The following ARSG variants were observed in gnomAD, a reference collection of about 807,000 sequenced individuals.
ARSG encodes arylsulfatase G, also known as ASG.
A neutral mutation model predicts 50.5 loss-of-function variants in ARSG; 37 were observed. The observed-to-expected ratio is 0.73, with a 90% CI of 0.56 to 0.96. ARSG has a LOEUF of 0.96. ARSG is among the 50% of genes least tolerant of loss of function. ARSG has a pLI of 0.00. For missense variants in ARSG, 629 were observed against 675.3 expected, an observed-to-expected ratio of 0.93 and a Z score of 0.76; for synonymous variants, 225 against 254.6, an observed-to-expected ratio of 0.88 and a Z score of 1.11.
upstream of ARSG, among the ~76,000 whole-genome samples, chr17:68,286,823 C>T (rs537673371): frequency 1.6e-3 from 247 of 152,128 alleles, no homozygotes; most frequent in Non-Finnish European, 3.0e-3. Context: ...GTACTGAATT[C>T]TATTAATCAA....
At chr17:68,330,977 GC>G (rs1444163041) in intron 2 of ARSG, among the ~76,000 whole-genome samples, 32 of 19,846 alleles carry the variant, frequency 1.6e-3, no homozygotes, top group Non-Finnish European at 1.9e-3. Context: ...CTTTTTTTTT[GC>G]GGGGGGGGGG....
At chr17:68,338,598 A>T (rs2078132581) in intron 2 of ARSG, among the ~76,000 whole-genome samples, 1 of 152,154 alleles carries the variant, frequency 6.6e-6, no homozygotes, top group Admixed American at 6.5e-5. Flanking sequence ...ATTTGCCTGG[A>T]TACAAATTGT....
Position 68,416,388 on chromosome 17 carries a change from T to A in ARSG, c.1304-3801T>A, listed in dbSNP as rs538377206. On this transcript the variant is annotated intron_variant, in intron 11 of 11. Transcript: ENST00000621439. ...GTAGGGTATCTGCTGTTAATCCTGATAGGTTTTCCTTTATAGGATACCTGG... is the reference window on the plus strand; with the variant it reads ...GTAGGGTATCTGCTGTTAATCCTGAAAGGTTTTCCTTTATAGGATACCTGG... 7.2e-5 allele frequency among the ~76,000 whole-genome samples: 11 copies of A among 152,348 alleles called. No homozygotes were observed. The South Asian group carries it at 2.1e-3, about 29-fold the overall frequency.
chr17:68,448,244 C>G, the ARSG span: 1 of 152,146 alleles, frequency 6.6e-6, no homozygotes, highest in Non-Finnish European at 1.5e-5. Flanking sequence ...TTGCTTAAAC[C>G]AAAATTTAAG....
upstream of ARSG, among the ~76,000 whole-genome samples, chr17:68,290,822 A>G (rs2145223687): frequency 6.6e-6 from 1 of 152,280 alleles, no homozygotes; most frequent in East Asian, 1.9e-4. Context: ...GCCTTTAGGT[A>G]TCTTCCGGGA....
chr17:68,312,452 C>G (rs1555767107), intron 2 of ARSG, among the ~76,000 whole-genome samples: 1 of 152,042 alleles, frequency 6.6e-6, no homozygotes, highest in African/African-American at 2.4e-5. Context: ...CAGTGTTTAG[C>G]AGGTTAGCGG....
chr17:68,283,378 A>G (rs1004543609), intron 1 of ARSG, among the ~76,000 whole-genome samples: 13 of 151,720 alleles, frequency 8.6e-5, no homozygotes, highest in South Asian at 8.3e-4. Context: ...AAAATTAGCC[A>G]GGCGTGGTGG....
intron 2 of ARSG, among the ~76,000 whole-genome samples, chr17:68,335,446 C>G (rs1302359413): frequency 6.6e-6 from 1 of 150,382 alleles, no homozygotes; most frequent in African/African-American, 2.5e-5. Context: ...CCCAGCTACT[C>G]GGGAGGCTGA....
chr17:68,325,582 G>A (rs2077472683), intron 2 of ARSG, among the ~76,000 whole-genome samples: 1 of 152,096 alleles, frequency 6.6e-6, no homozygotes, highest in Non-Finnish European at 1.5e-5. Context: ...ATAATAGCCA[G>A]GACTCTCTGG....
chr17:68,287,203 C>T (rs1348309020), upstream of ARSG, among the ~76,000 whole-genome samples: 1 of 152,222 alleles, frequency 6.6e-6, no homozygotes, highest in Admixed American at 6.5e-5. Flanking sequence ...TGGTCTTGAA[C>T]TCCTAACCTC....
intron 10 of ARSG, among the ~76,000 whole-genome samples, chr17:68,397,524 C>T (rs534388344): frequency 3.3e-5 from 5 of 152,206 alleles, no homozygotes; most frequent in Admixed American, 2.0e-4. Context: ...CTAGTCAGTC[C>T]TCTCTATCAA....
At chr17:68,282,779 T>TAAAAAAAAAAAAAA (rs36155626) in intron 1 of ARSG, among the ~76,000 whole-genome samples, 4 of 53,402 alleles carry the variant, frequency 7.5e-5, no homozygotes, top group Non-Finnish European at 9.9e-5. Flanking sequence ...CCATCTCTAC[T>TAAAAAAAAAAAAAA]AAAAAAAAAA....
chr17:68,435,781 C>G, the ARSG span: 1 of 1,425,700 alleles, frequency 7.0e-7, no homozygotes. Flanking sequence ...CCTCCCTCCC[C>G]TTCCTCTTTT....
intron 2 of ARSG, among the ~76,000 whole-genome samples, chr17:68,318,765 C>T (rs535726217): frequency 2.0e-5 from 3 of 152,288 alleles, no homozygotes; most frequent in Non-Finnish European, 2.9e-5. Context: ...GCTGCTGCTG[C>T]TAGGAGTTAC....
rs1229228230 is a variant in ARSG at position 68,307,182 on chromosome 17, GA to G, written c.-310del. ...TTGTTGACATTGATGTCTAATTATTGAACACGACCAGTCATTTTACTGAGCT... is the reference window on the plus strand; with the variant it reads ...TTGTTGACATTGATGTCTAATTATTGACACGACCAGTCATTTTACTGAGCT... On this transcript the variant is annotated 5_prime_UTR_variant, in exon 2 of 12. Transcript: ENST00000621439. 4 of 320,876 alleles carry G rather than the reference GA, an allele frequency of 1.2e-5. No homozygotes were observed. In the Admixed American group the frequency reaches 1.9e-4, roughly 15 times the overall value. 19.9% of individuals were successfully genotyped at this position (320,876 alleles called of 1,614,324 possible). A position where few individuals can be genotyped will look rare whatever the true frequency, so the allele number is the denominator to read the frequency against.
chr17:68,426,245 G>C (rs985653225), downstream of ARSG: 90 of 948,054 alleles, frequency 9.5e-5, no homozygotes, highest in Non-Finnish European at 1.2e-4. Context: ...TGGCGGGTGG[G>C]GAGCGGGGGC....
downstream of ARSG, chr17:68,422,352 C>T (rs1285569912): frequency 1.3e-5 from 2 of 154,468 alleles, no homozygotes; most frequent in Admixed American, 6.3e-5. Context: ...TCGCTTGAAC[C>T]GGGGAGGTGG....
intron 10 of ARSG, 35 bp from the exon 11 acceptor site, chr17:68,401,324 AT>A (rs766380234): frequency 6.3e-7 from 1 of 1,594,796 alleles, no homozygotes; most frequent in Non-Finnish European, 8.6e-7. Context: ...AGTTCTGCCA[AT>A]TTTTCTATTA....
intron 2 of ARSG, among the ~76,000 whole-genome samples, chr17:68,336,914 T>C (rs2078048318): frequency 6.6e-6 from 1 of 151,878 alleles, no homozygotes; most frequent in East Asian, 1.9e-4. Flanking sequence ...TTTGTACTAG[T>C]GTGGAGGGTG....
Sources: allele counts gnomAD v4.1 joint callset (sites outside exome capture counted in the v4.1 genomes callset), GRCh38; gene constraint gnomAD v4.1.1; transcripts MANE v1.5; gene names NCBI Gene and HGNC (gene_info 2026-07-23, HGNC 2026-07-21).